The following FAM8A1 variants were observed in gnomAD, a reference collection of about 807,000 sequenced individuals.
The protein encoded by FAM8A1 is protein FAM8A1.
FAM8A1 carries 18 observed loss-of-function variants against 38.3 expected under a neutral mutation model. The observed-to-expected ratio is 0.47, with a 90% CI of 0.33 to 0.70. The LOEUF is 0.70. FAM8A1 is among the 30% of genes least tolerant of loss of function. The pLI, the probability that FAM8A1 is intolerant of heterozygous loss-of-function variation, is 0.03. For synonymous variants in FAM8A1, 246 were observed against 234.4 expected (o/e 1.05, Z -0.45); for missense variants, 559 against 559.6 (o/e 1.00, Z 0.01).
chr6:17,605,929 T>C lies in FAM8A1; in HGVS notation c.1013T>C (p.Leu338Pro). ...ACCCCAGGGAAGTTCCTGCTGGGGC[T>C]TCGAGTTGTGACATGTGATACATCA... ...GATPGKFLLG[L>P]RVVTCDTSVL... The change falls in exon 4 of 5, where the codon CTT becomes CCT. Residue 338 changes from leucine to proline, a missense_variant. Physicochemically the swap from Leu to Pro is moderately conservative, Grantham distance 98 (BLOSUM62 -3). Coordinates refer to ENST00000259963, the MANE Select transcript of FAM8A1 (RefSeq NM_016255.3). 6.3e-7 allele frequency: 1 copy of C among 1,588,076 alleles called. No homozygotes were observed. Among genetic ancestry groups the C allele is most frequent in the Non-Finnish European group, 8.6e-7 (1 of 1,162,824 alleles).
At chr6:17,602,825 G>T (rs1764004689) in intron 2 of FAM8A1, 115 bp downstream of exon 2, 1 of 957,194 alleles carries the variant, frequency 1.0e-6, no homozygotes, top group Non-Finnish European at 1.5e-6. Context: ...TCAGTGTCAT[G>T]ATTTCTTTAT....
At position 17,600,989 on chromosome 6, in the gene FAM8A1, A is replaced by G. The variant is rs765481615; in HGVS notation, c.580A>G (p.Ser194Gly). The change falls in exon 1 of 5, where the codon AGC becomes GGC. Residue 194 changes from serine to glycine, a missense_variant. Coordinates refer to ENST00000259963, the MANE Select transcript of FAM8A1 (RefSeq NM_016255.3). ...GPDPRTAAGI[S>G]TPAPVAGLGP... ...TGACCCGCGGACAGCTGCCGGCATC[A>G]GCACCCCTGCTCCAGTCGCGGGCCT... The G allele has an allele frequency of 4.4e-6, 7 of 1,591,934 alleles. No individual in the cohort carries two copies. In the East Asian group the frequency reaches 9.1e-5, roughly 21 times the overall value.
In FAM8A1 at chr6:17,605,128, T is replaced by G. The variant is rs1247255103; in HGVS notation, c.957+99T>G. ...CAGAGTCTCGCTCTGTCACCCAGGC[T>G]GGAGTGCAGTGGTGTGATCTTGGCT... On this transcript the variant is annotated intron_variant, in intron 3 of 4. Transcript: ENST00000259963. 4.7e-6 allele frequency: 5 copies of G among 1,072,598 alleles called. No individual in the cohort carries two copies. In the African/African-American group the frequency reaches 4.9e-5, roughly 11 times the overall value. 66.4% of individuals were successfully genotyped at this position (1,072,598 alleles called of 1,614,324 possible).
rs1362836583 is a variant in FAM8A1, at chr6:17,609,460, G to T, written c.*1121G>T. 6.6e-6 allele frequency: 1 copy of T among 152,170 alleles called. No individual in the cohort carries two copies. The highest frequency in any genetic ancestry group is 1.5e-5 in the Non-Finnish European group (1 of 68,030). 9.4% of individuals were successfully genotyped at this position (152,170 alleles called of 1,614,324 possible). A position where few individuals can be genotyped will look rare whatever the true frequency, so the allele number is the denominator to read the frequency against. ...GGACTATTCTCTCTAAAGCAAGAGA[G>T]ACTAGCATTCCCAGACATCATTCTA... On this transcript the variant is annotated 3_prime_UTR_variant, in exon 5 of 5. Coordinates refer to ENST00000259963, the MANE Select transcript of FAM8A1 (RefSeq NM_016255.3).
Position 17,601,021 on chromosome 6 carries a change from C to T in FAM8A1, c.612C>T (p.Pro204=), listed in dbSNP as rs746764618. ...STPAPVAGLG[P]RAPHVQASVR... ...CTGCTCCAGTCGCGGGCCTGGGACC[C>T]CGGGCTCCTCACGTGCAGGCGTCGG... Residue 204 remains proline, a synonymous_variant, in exon 1 of 5, where the codon CCC becomes CCT. Transcript: ENST00000259963. 2 of 1,588,292 alleles carry T rather than the reference C, an allele frequency of 1.3e-6. No homozygotes were observed. Among genetic ancestry groups the T allele is most frequent in the Non-Finnish European group, 1.7e-6 (2 of 1,169,934 alleles).
At position 17,611,674 on chromosome 6, in the gene FAM8A1, ACCAATTTGT is replaced by A. The variant is rs1418015427; in HGVS notation, c.*3336_*3344del. The A allele has an allele frequency of 3.3e-5, 5 of 152,184 alleles. No individual in the cohort carries two copies. Among genetic ancestry groups the A allele is most frequent in the Non-Finnish European group, 7.4e-5 (5 of 68,018 alleles). The allele number at this position is 152,184 out of a possible 1,614,324, so 9.4% of individuals were successfully genotyped here. Reference sequence around the variant, plus strand: ...TTCTATTTTTAATAATTTGTATGCCACCAATTTGTATTATTTGTCTCAATAAATACTTAG... The same window carrying A: ...TTCTATTTTTAATAATTTGTATGCCAATTATTTGTCTCAATAAATACTTAG... On this transcript the variant is annotated 3_prime_UTR_variant, in exon 5 of 5. Transcript: ENST00000259963.
chr6:17,602,519 C>T (rs917592841), intron 1 of FAM8A1, 71 bp from the exon 2 acceptor site: 1 of 1,425,614 alleles, frequency 7.0e-7, no homozygotes, highest in Non-Finnish European at 9.3e-7. Flanking sequence ...CAATTCATTA[C>T]ATGGCTTGTG....
At chr6:17,601,335 C>G (rs1763983471) in intron 1 of FAM8A1, among the ~76,000 whole-genome samples, 1 of 152,190 alleles carries the variant, frequency 6.6e-6, no homozygotes, top group Admixed American at 6.5e-5. Context: ...CCTGGCACTC[C>G]AAATTGACTC....
chr6:17,602,840 G>T, intron 2 of FAM8A1, 130 bp downstream of exon 2: 2 of 818,944 alleles, frequency 2.4e-6, no homozygotes, highest in South Asian at 3.2e-5. Flanking sequence ...CTTTATAAGA[G>T]CTTTGTTAGA....
rs749548784 is a variant in FAM8A1 at position 17,600,522 on chromosome 6, GC to G, written c.118del (p.Arg40AlafsTer69). 2 of 1,534,278 alleles carry G rather than the reference GC, an allele frequency of 1.3e-6. No homozygotes were observed. Among genetic ancestry groups the G allele is most frequent in the Non-Finnish European group, 1.7e-6 (2 of 1,145,018 alleles). The stretch of plus-strand genomic sequence containing the variant: ...GGCCCTCCTACCACCGCCGTCCCAT[GC>G]CCCCGCGACGACCCCCAGGCCGAAC... ...LRGPPTTAVP[C>X]PRDDPQAEPQ... is the part of the protein sequence containing the mutation. On this transcript the variant is annotated frameshift_variant, in exon 1 of 5. Coordinates refer to ENST00000259963, the MANE Select transcript of FAM8A1 (RefSeq NM_016255.3). LOFTEE classifies it high-confidence loss of function.
chr6:17,600,742 C>T lies in FAM8A1; in HGVS notation c.333C>T (p.Arg111=). ...PRERPARLSA[R]EYSRQVHEWL... is the part of the protein sequence containing the mutation. Reference sequence around the variant, plus strand: ...AGAGACCAGCTCGGCTGAGCGCCCGCGAGTACTCCCGGCAAGTGCACGAGT... The same window carrying T: ...AGAGACCAGCTCGGCTGAGCGCCCGTGAGTACTCCCGGCAAGTGCACGAGT... The change falls in exon 1 of 5, where the codon CGC becomes CGT. Residue 111 remains arginine, a synonymous_variant. Coordinates refer to ENST00000259963, the MANE Select transcript of FAM8A1 (RefSeq NM_016255.3). 6.2e-7 allele frequency: 1 copy of T among 1,610,218 alleles called. No homozygotes were observed. Among genetic ancestry groups the T allele is most frequent in the South Asian group, 1.1e-5 (1 of 91,078 alleles).
At position 17,600,311 on chromosome 6, in the gene FAM8A1, T is replaced by A. The variant is rs1763960241; in HGVS notation, c.-99T>A. 3 of 1,270,546 alleles carry A rather than the reference T, an allele frequency of 2.4e-6. No homozygotes were observed. Among genetic ancestry groups the A allele is most frequent in the Non-Finnish European group, 3.0e-6 (3 of 1,001,750 alleles). The allele number at this position is 1,270,546 out of a possible 1,614,324, so 78.7% of individuals were successfully genotyped here. On this transcript the variant is annotated 5_prime_UTR_variant, in exon 1 of 5. Coordinates refer to ENST00000259963, the MANE Select transcript of FAM8A1 (RefSeq NM_016255.3). ...CTTCCGGCGGGGGATTGTTGACGCC[T>A]GCGGTTGCTGCGGTGGTGACGGGGC...
At position 17,611,072 on chromosome 6, in the gene FAM8A1, G is replaced by A. The variant is rs1764137273; in HGVS notation, c.*2733G>A. 6.6e-6 allele frequency: 1 copy of A among 152,142 alleles called. No individual in the cohort carries two copies. Among genetic ancestry groups the A allele is most frequent in the Admixed American group, 6.5e-5 (1 of 15,272 alleles). The allele number at this position is 152,142 out of a possible 1,614,324, so 9.4% of individuals were successfully genotyped here. The stretch of plus-strand genomic sequence containing the variant: ...GTATCATAAAGAGTATTGCCCAACT[G>A]AACTTTGCTCCCACTGGTTTAATAG... On this transcript the variant is annotated 3_prime_UTR_variant, in exon 5 of 5. Transcript: ENST00000259963.
chr6:17,606,068 TAGA>T, intron 4 of FAM8A1, 55 bp downstream of exon 4: 1 of 1,358,276 alleles, frequency 7.4e-7, no homozygotes, highest in Non-Finnish European at 9.7e-7. Context: ...TAATGTGTTT[TAGA>T]ATATTGGGGT....
At chr6:17,606,931 A>C (rs1416515304) in intron 4 of FAM8A1, among the ~76,000 whole-genome samples, 1 of 152,104 alleles carries the variant, frequency 6.6e-6, no homozygotes, top group African/African-American at 2.4e-5. Flanking sequence ...TGATTCTAGA[A>C]ACCTTGGTTT....
chr6:17,600,556 C>G lies in FAM8A1; in HGVS notation c.147C>G (p.Ala49=). 1 of 1,501,614 alleles carries G rather than the reference C, an allele frequency of 6.7e-7. No individual in the cohort carries two copies. The highest frequency in any genetic ancestry group is 8.9e-7 in the Non-Finnish European group (1 of 1,129,388). The allele number at this position is 1,501,614 out of a possible 1,614,324, so 93.0% of individuals were successfully genotyped here. The part of the protein sequence containing the change: ...PRDDPQAEPQ[A]PGRPTAPGLA... ...ACGACCCCCAGGCCGAACCCCAGGC[C>G]CCGGGCCGGCCCACAGCCCCGGGCC... Residue 49 remains alanine, a synonymous_variant, in exon 1 of 5, where the codon GCC becomes GCG. Transcript: ENST00000259963.
intron 1 of FAM8A1, among the ~76,000 whole-genome samples, chr6:17,601,813 G>C (rs1475190448): frequency 6.8e-6 from 1 of 147,044 alleles, no homozygotes; most frequent in Non-Finnish European, 1.5e-5. Context: ...TACTCACTGG[G>C]TTTATTTTAA....
rs1372807240 is a variant in FAM8A1 at position 17,600,780 on chromosome 6, CCTA to C, written c.374_376del (p.Tyr125del). On this transcript the variant is annotated inframe_deletion, in exon 1 of 5. Transcript: ENST00000259963. ...CAAGTGCACGAGTGGCTGTGGCAGT[CCTA>C]CTGCGGCTACCTCACCTGGCACAGC... The C allele has an allele frequency of 1.2e-6, 2 of 1,611,116 alleles. No homozygotes were observed. The highest frequency in any genetic ancestry group is 1.7e-6 in the Non-Finnish European group (2 of 1,179,706).
In FAM8A1 at chr6:17,602,621, C is replaced by T. The variant is rs1472328290; in HGVS notation, c.744C>T (p.His248=). Residue 248 remains histidine, a synonymous_variant, in exon 2 of 5, where the codon CAC becomes CAT. Coordinates refer to ENST00000259963, the MANE Select transcript of FAM8A1 (RefSeq NM_016255.3). ...GREYVIPSLA[H]RFMAEMVDFF... Reference sequence around the variant, plus strand: ...AATATGTTATTCCATCCTTGGCCCACAGATTTATGGCAGAGATGGTGGATT... The same window carrying T: ...AATATGTTATTCCATCCTTGGCCCATAGATTTATGGCAGAGATGGTGGATT... 3 of 1,612,016 alleles carry T rather than the reference C, an allele frequency of 1.9e-6. No individual in the cohort carries two copies. The highest frequency in any genetic ancestry group is 2.7e-5 in the African/African-American group (2 of 74,680).
Sources: gnomAD v4.1 joint callset for allele counts (sites outside exome capture counted in the v4.1 genomes callset) on GRCh38, gnomAD v4.1.1 for gene constraint, MANE v1.5 for transcripts, NCBI Gene and HGNC (gene_info 2026-07-23, HGNC 2026-07-21) for gene names.